KCNH8: variants seen among roughly 807,000 people sequenced by gnomAD.
KCNH8 encodes voltage-gated delayed rectifier potassium channel KCNH8.
In KCNH8, 70 loss-of-function variants were observed where a neutral mutation model predicts 103.6. That is an observed-to-expected ratio of 0.68 (90% CI 0.56 to 0.82). KCNH8 has a LOEUF of 0.82. KCNH8 is among the 40% of genes least tolerant of loss of function. KCNH8 has a pLI of 0.00. For missense variants in KCNH8, 1,217 were observed against 1,329.9 expected, an observed-to-expected ratio of 0.92 and a Z score of 1.32; for synonymous variants, 498 against 489.4, an observed-to-expected ratio of 1.02 and a Z score of -0.23.
intron 11 of KCNH8, among the ~76,000 whole-genome samples, chr3:19,493,506 G>T (rs2068371178): frequency 6.6e-6 from 1 of 152,124 alleles, no homozygotes; most frequent in African/African-American, 2.4e-5. Context: ...CATGCAAGAT[G>T]TGCCTGCTTC....
At position 19,357,952 on chromosome 3, in the gene KCNH8, C is replaced by G. The variant is rs189440929; in HGVS notation, c.811+9987C>G. 5.3e-5 allele frequency among the ~76,000 whole-genome samples: 8 copies of G among 151,848 alleles called. No homozygotes were observed. The East Asian group carries it at 1.6e-3, about 29-fold the overall frequency. On this transcript the variant is annotated intron_variant, in intron 5 of 15. Coordinates refer to ENST00000328405, the MANE Select transcript of KCNH8 (RefSeq NM_144633.3). ...TAGGAACTGAATGGGATAAAAAATA[C>G]ATATACTCCATACCTAAACATGTTA... is the stretch of plus-strand genomic sequence containing the variant.
intron 11 of KCNH8, among the ~76,000 whole-genome samples, chr3:19,460,322 C>G (rs1288033166): frequency 6.6e-6 from 1 of 152,140 alleles, no homozygotes; most frequent in African/African-American, 2.4e-5. Context: ...CTCCCCAACA[C>G]CACGTGACTG....
chr3:19,371,954 C>T (rs1218088206), intron 5 of KCNH8, among the ~76,000 whole-genome samples: 1 of 150,954 alleles, frequency 6.6e-6, no homozygotes, highest in Admixed American at 6.6e-5. Context: ...GGGCTCTGTT[C>T]TGTTCCATTG....
intron 1 of KCNH8, among the ~76,000 whole-genome samples, chr3:19,226,644 C>T (rs182861716): frequency 7.9e-5 from 12 of 151,692 alleles, no homozygotes; most frequent in South Asian, 6.3e-4. Flanking sequence ...CACACACACA[C>T]GGGAAAATTC....
intron 1 of KCNH8, among the ~76,000 whole-genome samples, chr3:19,203,383 C>G (rs1324550439): frequency 6.6e-6 from 1 of 151,090 alleles, no homozygotes; most frequent in African/African-American, 2.4e-5. Flanking sequence ...TAAATAAAAG[C>G]AAAAAATCTA....
At chr3:19,167,257 G>C (rs534401627) in intron 1 of KCNH8, among the ~76,000 whole-genome samples, 2 of 152,124 alleles carry the variant, frequency 1.3e-5, no homozygotes, top group African/African-American at 2.4e-5. Context: ...TACCAAAAAG[G>C]GTTGATGAGG....
At chr3:19,362,664 TTTG>T (rs1297585611) in intron 5 of KCNH8, among the ~76,000 whole-genome samples, 1 of 152,078 alleles carries the variant, frequency 6.6e-6, no homozygotes, top group East Asian at 1.9e-4. Context: ...TTTGTTTTTG[TTTG>T]TTGTTTGTTT....
In KCNH8 at chr3:19,202,281, T is replaced by G. The variant is rs991137146; in HGVS notation, c.77-51373T>G. On this transcript the variant is annotated intron_variant, in intron 1 of 15. Transcript: ENST00000328405. ...AAGGACAAGTTATTATTATTTATTT[T>G]ATTAAGATGAGCTGGGTTGGGTTTG... Among the ~76,000 whole-genome samples, 10 of 152,290 alleles carry G rather than the reference T, an allele frequency of 6.6e-5. No homozygotes were observed. The East Asian group carries it at 1.9e-3, about 29-fold the overall frequency.
At chr3:19,465,805 AG>A (rs1200124950) in intron 11 of KCNH8, among the ~76,000 whole-genome samples, 3 of 152,066 alleles carry the variant, frequency 2.0e-5, no homozygotes, top group Non-Finnish European at 4.4e-5. Context: ...ACTTAAATGA[AG>A]GAAGTCAGTG....
intron 3 of KCNH8, among the ~76,000 whole-genome samples, chr3:19,285,045 C>T (rs957900731): frequency 2.0e-4 from 30 of 151,688 alleles, no homozygotes; most frequent in African/African-American, 5.8e-4. Flanking sequence ...GGGCTGAGAA[C>T]GGAGGGCCTT....
intron 1 of KCNH8, among the ~76,000 whole-genome samples, chr3:19,234,178 G>T (rs2064030623): frequency 6.6e-6 from 1 of 152,206 alleles, no homozygotes; most frequent in Non-Finnish European, 1.5e-5. Context: ...TAGACACAAA[G>T]GTTCTCCACG....
In KCNH8 at chr3:19,296,031, C is replaced by T. The variant is rs368049455; in HGVS notation, c.442+14702C>T. 5.3e-5 allele frequency among the ~76,000 whole-genome samples: 8 copies of T among 152,208 alleles called. 1 individual carries two copies. Among genetic ancestry groups the T allele is most frequent in the East Asian group, 3.9e-4 (2 of 5,176 alleles). ...CAGGAGTCACTATGTATCAATCCTG[C>T]TTATCTCCCCAGTGAGCCTCCCCAA... On this transcript the variant is annotated intron_variant, in intron 3 of 15. Coordinates refer to ENST00000328405, the MANE Select transcript of KCNH8 (RefSeq NM_144633.3).
intron 7 of KCNH8, among the ~76,000 whole-genome samples, chr3:19,431,848 C>T (rs549430791): frequency 6.6e-6 from 1 of 152,150 alleles, no homozygotes; most frequent in South Asian, 2.1e-4. Flanking sequence ...GTGGTAATAT[C>T]ACCCTTATAA....
chr3:19,436,199 T>C (rs1192523687), intron 7 of KCNH8, among the ~76,000 whole-genome samples: 1 of 152,184 alleles, frequency 6.6e-6, no homozygotes, highest in African/African-American at 2.4e-5. Context: ...ATGATACCTT[T>C]TGTTTTTATC....
intron 7 of KCNH8, among the ~76,000 whole-genome samples, chr3:19,435,912 T>A (rs1156746560): frequency 1.3e-5 from 2 of 152,190 alleles, no homozygotes; most frequent in Non-Finnish European, 2.9e-5. Flanking sequence ...GTACACATTG[T>A]TAATGCACAC....
rs2066497289 is a variant in KCNH8 at position 19,395,212 on chromosome 3, A to T, written c.1078A>T (p.Met360Leu). ...CAGTACTATCGTCCTGACTCTGCTC[A>T]TGTCCATGTTTGCACTCCTTGCACA... ...QHSTIVLTLLMSMFALLAHWM... is the reference protein window; with the variant it reads ...QHSTIVLTLLLSMFALLAHWM... The change falls in exon 7 of 16, where the codon ATG becomes TTG. Residue 360 changes from methionine (M) to leucine (L), a missense_variant. This residue lies in a region of KCNH8 where 415 missense variants were observed against 577.4 expected (regional missense o/e 0.72). Transcript: ENST00000328405. The T allele has an allele frequency of 3.7e-6, 6 of 1,609,384 alleles. No homozygotes were observed.
chr3:19,514,945 TTATC>T (rs1301318742), intron 13 of KCNH8, among the ~76,000 whole-genome samples: 1 of 150,768 alleles, frequency 6.6e-6, no homozygotes, highest in African/African-American at 2.4e-5. Flanking sequence ...TACTTTTAAA[TTATC>T]TAACAAACAG....
chr3:19,489,375 T>A lies in KCNH8; in HGVS notation c.2041-20988T>A, dbSNP rs1021133462. 3.9e-5 allele frequency among the ~76,000 whole-genome samples: 6 copies of A among 152,180 alleles called. No individual in the cohort carries two copies. The East Asian group carries it at 1.2e-3, about 29-fold the overall frequency. Reference sequence around the variant, plus strand: ...GTCCCTTTGCTACTAGTACTGCTGCTGCCTGTCCTCTTAACCACTGTGAGG... The same window carrying A: ...GTCCCTTTGCTACTAGTACTGCTGCAGCCTGTCCTCTTAACCACTGTGAGG... On this transcript the variant is annotated intron_variant, in intron 11 of 15. Coordinates refer to ENST00000328405, the MANE Select transcript of KCNH8 (RefSeq NM_144633.3).
intron 1 of KCNH8, among the ~76,000 whole-genome samples, chr3:19,165,695 A>C (rs1431614835): frequency 6.6e-6 from 1 of 152,250 alleles, no homozygotes; most frequent in Non-Finnish European, 1.5e-5. Flanking sequence ...CTTAAAAAGC[A>C]TAAAAACTAC....
Sources: allele counts gnomAD v4.1 joint callset (sites outside exome capture counted in the v4.1 genomes callset), GRCh38; gene constraint gnomAD v4.1.1; regional missense constraint gnomAD v4.1.1; transcripts MANE v1.5; gene names NCBI Gene and HGNC (gene_info 2026-07-23, HGNC 2026-07-21).